GALNT17: variants seen among roughly 807,000 people sequenced by gnomAD.
GALNT17 encodes the protein UDP-GalNAc:polypeptide N-acetylgalactosaminyltransferase-like 3.
Under a neutral mutation model 63.7 loss-of-function variants are expected in GALNT17, and 29 were observed. The observed-to-expected ratio is 0.46, with a 90% CI of 0.34 to 0.62. The LOEUF (loss-of-function observed/expected upper bound fraction) is 0.62, where lower values mean the gene tolerates loss of function less well. GALNT17 is among the 20% of genes least tolerant of loss of function. GALNT17 has a pLI of 0.01. For synonymous variants in GALNT17, 305 were observed against 318.3 expected, an observed-to-expected ratio of 0.96 and a Z score of 0.45; for missense variants, 603 against 799.6, an observed-to-expected ratio of 0.75 and a Z score of 2.97.
At chr7:71,459,163 A>G (rs1401222125) in intron 5 of GALNT17, among the ~76,000 whole-genome samples, 1 of 152,230 alleles carries the variant, frequency 6.6e-6, no homozygotes, top group African/African-American at 2.4e-5. Flanking sequence ...ACAATTCACA[A>G]ATCAGACAGC....
At chr7:71,464,004 T>G (rs1787495330) in intron 5 of GALNT17, among the ~76,000 whole-genome samples, 1 of 152,186 alleles carries the variant, frequency 6.6e-6, no homozygotes, top group African/African-American at 2.4e-5. Flanking sequence ...GTCTCAGCCT[T>G]ATTTCACCCA....
chr7:71,543,915 C>T (rs1473376466), intron 5 of GALNT17, among the ~76,000 whole-genome samples: 2 of 151,718 alleles, frequency 1.3e-5, no homozygotes, highest in Non-Finnish European at 2.9e-5. Flanking sequence ...GCCTCAGCCT[C>T]TTGAGTAGCT....
intron 1 of GALNT17, among the ~76,000 whole-genome samples, chr7:71,249,557 G>A (rs1161208234): frequency 6.6e-6 from 1 of 152,174 alleles, no homozygotes; most frequent in Non-Finnish European, 1.5e-5. Context: ...TTATTTAATA[G>A]CATAGGAAAC....
In GALNT17 at chr7:71,712,257, T is replaced by C. The variant is rs1329695424; in HGVS notation, c.*111T>C. 1.4e-6 allele frequency: 2 copies of C among 1,471,320 alleles called. No homozygotes were observed. Among genetic ancestry groups the C allele is most frequent in the East Asian group, 2.4e-5 (1 of 41,470 alleles). 91.1% of individuals were successfully genotyped at this position (1,471,320 alleles called of 1,614,324 possible). On this transcript the variant is annotated 3_prime_UTR_variant, in exon 11 of 11. Transcript: ENST00000333538. ...CAGCAAGGGGCCGGCAGGTGCTCGA[T>C]GGGCCCCCCAGGGCTTCTCCAGGGC...
At chr7:71,663,755 C>A (rs573334613) in intron 6 of GALNT17, among the ~76,000 whole-genome samples, 114 of 152,272 alleles carry the variant, frequency 7.5e-4, no homozygotes, top group Middle Eastern at 3.4e-3. Flanking sequence ...ATTCAGCCAA[C>A]AAAAGTCAAG....
At chr7:71,442,563 T>G (rs1347164256) in intron 5 of GALNT17, among the ~76,000 whole-genome samples, 2 of 152,028 alleles carry the variant, frequency 1.3e-5, no homozygotes, top group African/African-American at 4.8e-5. Flanking sequence ...CTTTTTGGAG[T>G]GTTGGGTCAC....
At chr7:71,319,094 T>TTC (rs372024382) in intron 1 of GALNT17, among the ~76,000 whole-genome samples, 1 of 49,170 alleles carries the variant, frequency 2.0e-5, no homozygotes, top group African/African-American at 5.1e-5. Flanking sequence ...CTATTTTTGT[T>TTC]TATCTTTCTT....
At chr7:71,391,270 C>A (rs995619035) in intron 3 of GALNT17, among the ~76,000 whole-genome samples, 3 of 152,080 alleles carry the variant, frequency 2.0e-5, no homozygotes, top group Non-Finnish European at 4.4e-5. Context: ...AGACTCACTG[C>A]CAATGGCGCA....
intron 5 of GALNT17, among the ~76,000 whole-genome samples, chr7:71,557,155 G>T (rs527278262): frequency 6.6e-6 from 1 of 151,130 alleles, no homozygotes; most frequent in East Asian, 2.0e-4. Flanking sequence ...GCCTCCCAAA[G>T]CTCTAGGATT....
chr7:71,557,349 C>T (rs1415855007), intron 5 of GALNT17, among the ~76,000 whole-genome samples: 1 of 152,148 alleles, frequency 6.6e-6, no homozygotes, highest in Non-Finnish European at 1.5e-5. Flanking sequence ...ATGCCATTCT[C>T]GAATGTACAT....
chr7:71,396,986 T>G (rs989537974), intron 3 of GALNT17, among the ~76,000 whole-genome samples: 5 of 152,126 alleles, frequency 3.3e-5, no homozygotes, highest in African/African-American at 7.2e-5. Flanking sequence ...TTGCTGAACT[T>G]GATTATTAGC....
chr7:71,625,318 A>G (rs1253649140), intron 6 of GALNT17, among the ~76,000 whole-genome samples: 1 of 151,928 alleles, frequency 6.6e-6, no homozygotes, highest in Middle Eastern at 3.2e-3. Flanking sequence ...CCAATTTTTT[A>G]TATTTTTAGT....
At chr7:71,163,447 G>A (rs564113014) in intron 1 of GALNT17, among the ~76,000 whole-genome samples, 1 of 152,276 alleles carries the variant, frequency 6.6e-6, no homozygotes, top group East Asian at 1.9e-4. Flanking sequence ...GTGACTGATT[G>A]GATGTGAAGA....
chr7:71,532,853 C>T (rs577361383), intron 5 of GALNT17, among the ~76,000 whole-genome samples: 226 of 152,252 alleles, frequency 1.5e-3, no homozygotes, highest in Non-Finnish European at 1.6e-3. Flanking sequence ...CTGAGCTTCT[C>T]CCAGTAAAAG....
intron 1 of GALNT17, among the ~76,000 whole-genome samples, chr7:71,211,343 G>T (rs529947169): frequency 7.2e-5 from 11 of 152,276 alleles, no homozygotes; most frequent in African/African-American, 2.6e-4. Context: ...TCTTGCTGCT[G>T]CCATGTAAGA....
chr7:71,223,311 T>A (rs1024928426), intron 1 of GALNT17, among the ~76,000 whole-genome samples: 5 of 152,208 alleles, frequency 3.3e-5, no homozygotes, highest in African/African-American at 9.6e-5. Context: ...AATTCTTCTG[T>A]AAGGAAGAAT....
chr7:71,140,233 G>T (rs1787861130), intron 1 of GALNT17, among the ~76,000 whole-genome samples: 1 of 152,196 alleles, frequency 6.6e-6, no homozygotes. Context: ...GGCAGTTCAA[G>T]CCTTCATTTG....
At chr7:71,593,149 CAATAATAATAAT>C (rs59397445) in intron 6 of GALNT17, among the ~76,000 whole-genome samples, 4 of 146,930 alleles carry the variant, frequency 2.7e-5, no homozygotes, top group South Asian at 4.3e-4. Flanking sequence ...GACCTTGTTG[CAATAATAATAAT>C]AATAATAATA....
At chr7:71,631,716 T>A (rs960104987) in intron 6 of GALNT17, among the ~76,000 whole-genome samples, 25 of 152,034 alleles carry the variant, frequency 1.6e-4, no homozygotes, top group African/African-American at 6.0e-4. Flanking sequence ...GTCATGTAGA[T>A]CTTGGTGTGT....
Sources: allele counts gnomAD v4.1 joint callset (sites outside exome capture counted in the v4.1 genomes callset), GRCh38; gene constraint gnomAD v4.1.1; transcripts MANE v1.5; gene names NCBI Gene and HGNC (gene_info 2026-07-23, HGNC 2026-07-21).